ELK4: variants seen among roughly 807,000 people sequenced by gnomAD.
ELK4 encodes ETS transcription factor ELK4, also known as ETS domain-containing protein Elk-4.
ELK4 carries 16 observed loss-of-function variants against 29.6 expected under a neutral mutation model. The ratio of observed to expected loss-of-function variants is 0.54; its 90% confidence interval spans 0.37 to 0.82. The LOEUF (loss-of-function observed/expected upper bound fraction) is 0.82, where lower values mean the gene tolerates loss of function less well. ELK4 is among the 40% of genes least tolerant of loss of function. ELK4 has a pLI of 0.00. For synonymous variants in ELK4, 213 were observed against 191.1 expected (o/e 1.11, Z -0.95); for missense variants, 465 against 507.1 (o/e 0.92, Z 0.80).
At chr1:205,621,222 A>C (rs992037024) in intron 2 of ELK4, among the ~76,000 whole-genome samples, 1 of 150,592 alleles carries the variant, frequency 6.6e-6, no homozygotes, top group Non-Finnish European at 1.5e-5. Flanking sequence ...AAAAAAAAGA[A>C]AAAGCTGGTA....
At position 205,620,468 on chromosome 1, in the gene ELK4, G is replaced by A. The variant is rs762738051; in HGVS notation, c.578C>T (p.Thr193Met). The A allele has an allele frequency of 1.3e-5, 21 of 1,614,144 alleles. No individual in the cohort carries two copies. The highest frequency in any genetic ancestry group is 8.8e-5 in the South Asian group (8 of 91,070). Reference sequence around the variant, plus strand: ...AACCGGTGGCTTTTTGGAAGGTGTCGTGACAAATTTGATGACAGATGGTGT... The same window carrying A: ...AACCGGTGGCTTTTTGGAAGGTGTCATGACAAATTTGATGACAGATGGTGT... The part of the protein sequence containing the change: ...EPTPSVIKFV[T>M]TPSKKPPVEP... The change falls in exon 3 of 5, where the codon ACG (threonine) becomes ATG (methionine). Residue 193 changes from threonine to methionine, a missense_variant. Transcript: ENST00000357992.
rs766340446 is a variant in ELK4 at position 205,618,999 on chromosome 1, G to A, written c.1155C>T (p.Pro385=). 57 of 1,611,676 alleles carry A rather than the reference G, an allele frequency of 3.5e-5. No homozygotes were observed. The highest frequency in any genetic ancestry group is 1.0e-5 in the Non-Finnish European group (12 of 1,179,270). The change falls in exon 4 of 5, where the codon CCC becomes CCT. Residue 385 remains proline, a synonymous_variant. Transcript: ENST00000357992. Reference sequence around the variant, plus strand: ...CACCTTGCAGTCTGGCTGGACTTAGGGGAGCAACAGGACTGAGAGTACTCC... The same window carrying A: ...CACCTTGCAGTCTGGCTGGACTTAGAGGAGCAACAGGACTGAGAGTACTCC... ...HFWSTLSPVA[P]LSPARLQGAN...
intron 1 of ELK4, chr1:205,625,479 C>A: frequency 4.4e-6 from 3 of 686,224 alleles, no homozygotes; most frequent in South Asian, 4.2e-5. Context: ...GGGTTCCCAA[C>A]AGGATGAAAT....
rs1380853603 is a variant in ELK4 at position 205,610,763 on chromosome 1, A to C, written c.*5783T>G. 1 of 222,308 alleles carries C rather than the reference A, an allele frequency of 4.5e-6. No homozygotes were observed. The highest frequency in any genetic ancestry group is 8.7e-6 in the Non-Finnish European group (1 of 114,756). The allele number at this position is 222,308 out of a possible 1,614,324, so 13.8% of individuals were successfully genotyped here. On this transcript the variant is annotated 3_prime_UTR_variant, in exon 5 of 5. Coordinates refer to ENST00000357992, the MANE Select transcript of ELK4 (RefSeq NM_001973.4). ...ATCAATGTATGTTCCCTATGAAAAC[A>C]GATTTACACGCGCACACACACACAC...
chr1:205,630,671 G>T (rs889630054), intron 1 of ELK4, among the ~76,000 whole-genome samples: 2 of 152,132 alleles, frequency 1.3e-5, no homozygotes, highest in African/African-American at 4.8e-5. Flanking sequence ...AAAACTTAAA[G>T]ACACTACCTC....
rs1375932151 is a variant in ELK4 at position 205,631,804 on chromosome 1, A to AGCCGCCCGCATCTCCCGCC, written c.-201_-183dup. 7 of 158,092 alleles carry AGCCGCCCGCATCTCCCGCC rather than the reference A, an allele frequency of 4.4e-5. No homozygotes were observed. The highest frequency in any genetic ancestry group is 7.4e-5 in the African/African-American group (3 of 40,810). 9.8% of individuals were successfully genotyped at this position (158,092 alleles called of 1,614,324 possible). On this transcript the variant is annotated 5_prime_UTR_variant, in exon 1 of 5. In the 5' UTR this introduces an upstream ATG that the reference lacks. Transcript: ENST00000357992. ...CAAGCCGAGCCCGCCGGGTGCCCGC[A>AGCCGCCCGCATCTCCCGCC]GCCGCCCGCATCTCCCGCCGCCGCG...
chr1:205,616,456 T>A lies in ELK4; in HGVS notation c.*90A>T. On this transcript the variant is annotated 3_prime_UTR_variant, in exon 5 of 5. Transcript: ENST00000357992. ...AATCACAATAGTCTATTATCAGCATTGTAGAACTATCAATTGCTCACTTCA... is the reference window on the plus strand; with the variant it reads ...AATCACAATAGTCTATTATCAGCATAGTAGAACTATCAATTGCTCACTTCA... 8.5e-7 allele frequency: 1 copy of A among 1,176,856 alleles called. No homozygotes were observed. The highest frequency in any genetic ancestry group is 1.3e-5 in the South Asian group (1 of 77,052). The allele number at this position is 1,176,856 out of a possible 1,614,324, so 72.9% of individuals were successfully genotyped here.
intron 1 of ELK4, chr1:205,625,678 T>TA: frequency 6.2e-6 from 5 of 809,488 alleles, no homozygotes; most frequent in Non-Finnish European, 1.1e-5. Context: ...TGCTGCTGCT[T>TA]CTTTTTTTTT....
chr1:205,620,362 C>G lies in ELK4; in HGVS notation c.684G>C (p.Leu228Phe), dbSNP rs1174697284. Residue 228 changes from leucine to phenylalanine, a missense_variant, in exon 3 of 5, where the codon TTG (leucine) becomes TTC (phenylalanine). By Grantham distance (22) the Leu-to-Phe change is conservative (BLOSUM62 0). Coordinates refer to ENST00000357992, the MANE Select transcript of ELK4 (RefSeq NM_001973.4). ...CCAGGGAAGGCAGTTTTGGGGAAAC[C>G]AATGTCTCCAAAGCTTGGATAGTTT... ...SEETIQALET[L>F]VSPKLPSLEA... The G allele has an allele frequency of 1.2e-6, 2 of 1,614,120 alleles. No homozygotes were observed. Among genetic ancestry groups the G allele is most frequent in the South Asian group, 2.2e-5 (2 of 91,082 alleles).
At chr1:205,617,747 C>T (rs2102376579) in intron 4 of ELK4, among the ~76,000 whole-genome samples, 1 of 151,902 alleles carries the variant, frequency 6.6e-6, no homozygotes, top group African/African-American at 2.4e-5. Flanking sequence ...ACTAAAAATA[C>T]AAAATTAGCC....
chr1:205,620,745 T>A lies in ELK4; in HGVS notation c.301A>T (p.Ile101Phe), dbSNP rs1403892489. 7 of 1,613,988 alleles carry A rather than the reference T, an allele frequency of 4.3e-6. No individual in the cohort carries two copies. The African/African-American group carries it at 9.3e-5, about 22-fold the overall frequency. The change falls in exon 3 of 5, where the codon ATT (isoleucine) becomes TTT (phenylalanine). Residue 101 changes from isoleucine (I) to phenylalanine (F), a missense_variant. Physicochemically the swap from Ile to Phe is conservative, Grantham distance 21 (BLOSUM62 0). Transcript: ENST00000357992. Reference protein sequence around the residue: ...LNMDPMTVGRIEGDCESLNFS... With the variant: ...LNMDPMTVGRFEGDCESLNFS... ...TTTAAACTTTCACAGTCACCCTCAATCCTGCCCACTGTCATTGGATCCATG... is the reference window on the plus strand; with the variant it reads ...TTTAAACTTTCACAGTCACCCTCAAACCTGCCCACTGTCATTGGATCCATG...
chr1:205,620,954 T>C (rs1215403669), intron 2 of ELK4, 116 bp from the exon 3 acceptor site: 2 of 1,192,416 alleles, frequency 1.7e-6, no homozygotes, highest in Admixed American at 2.8e-5. Flanking sequence ...CCCAGCACTT[T>C]GGAAGGCCGA....
In ELK4 at chr1:205,612,565, G is replaced by A. The variant is rs34239003; in HGVS notation, c.*3981C>T. The A allele has an allele frequency of 0.011, 2,266 of 213,524 alleles. 19 individuals carry two copies. The highest frequency in any genetic ancestry group is 0.034 in the Middle Eastern group (22 of 656). The allele number at this position is 213,524 out of a possible 1,614,324, so 13.2% of individuals were successfully genotyped here. A position where few individuals can be genotyped will look rare whatever the true frequency, so the allele number is the denominator to read the frequency against. Reference sequence around the variant, plus strand: ...TCAATTTGTGTGTTCAAAAAGGCTGGACACTCCTTTTCTGAACCACTGCTT... The same window carrying A: ...TCAATTTGTGTGTTCAAAAAGGCTGAACACTCCTTTTCTGAACCACTGCTT... On this transcript the variant is annotated 3_prime_UTR_variant, in exon 5 of 5. Coordinates refer to ENST00000357992, the MANE Select transcript of ELK4 (RefSeq NM_001973.4).
At chr1:205,626,073 A>G (rs896409203) in intron 1 of ELK4, 5 of 1,102,312 alleles carry the variant, frequency 4.5e-6, no homozygotes, top group Middle Eastern at 2.2e-4. Flanking sequence ...CAGTGCCACA[A>G]TGGGTCAGCT....
At chr1:205,618,016 AGT>A (rs1553243122) in intron 4 of ELK4, among the ~76,000 whole-genome samples, 12 of 151,042 alleles carry the variant, frequency 7.9e-5, no homozygotes, top group South Asian at 4.2e-4. Context: ...AGAGAGAGAG[AGT>A]GTGTGTGTGT....
At chr1:205,618,863 A>AT (rs1670278296) in intron 4 of ELK4, 94 bp downstream of exon 4, 1 of 911,854 alleles carries the variant, frequency 1.1e-6, no homozygotes, top group Non-Finnish European at 1.7e-6. Context: ...TAGAAGTTTT[A>AT]TAATGATTAA....
intron 1 of ELK4, chr1:205,626,094 C>T: frequency 2.2e-6 from 2 of 909,016 alleles, no homozygotes; most frequent in South Asian, 2.6e-5. Context: ...CTACCAGGAA[C>T]ACCATGAAGA....
Position 205,619,070 on chromosome 1 carries a change from G to GC in ELK4, c.1083_1084insG (p.Pro362AlafsTer34), listed in dbSNP as rs1343847014. 3 of 1,581,686 alleles carry GC rather than the reference G, an allele frequency of 1.9e-6. No individual in the cohort carries two copies. Among genetic ancestry groups the GC allele is most frequent in the Non-Finnish European group, 2.6e-6 (3 of 1,166,562 alleles). ...AAGGGGCTTGGAGTCAGTATGATGGGTGTCTGCAATACACAAAGCAAAAAT... is the reference window on the plus strand; with the variant it reads ...AAGGGGCTTGGAGTCAGTATGATGGGCTGTCTGCAATACACAAAGCAAAAAT... On this transcript the variant is annotated frameshift_variant, in exon 4 of 5. Transcript: ENST00000357992. LOFTEE classifies it high-confidence loss of function.
At chr1:205,628,491 T>C (rs1004271560) in intron 1 of ELK4, among the ~76,000 whole-genome samples, 2 of 152,224 alleles carry the variant, frequency 1.3e-5, no homozygotes, top group African/African-American at 4.8e-5. Context: ...TGGGAGTCTC[T>C]AGCCTACACA....
Sources: allele counts gnomAD v4.1 joint callset (sites outside exome capture counted in the v4.1 genomes callset), GRCh38; gene constraint gnomAD v4.1.1; transcripts MANE v1.5; gene names NCBI Gene and HGNC (gene_info 2026-07-23, HGNC 2026-07-21).